The following DNMT3A variants were observed in gnomAD, a reference collection of about 807,000 sequenced individuals.
The protein encoded by DNMT3A is DNA methyltransferase 3 alpha.
In DNMT3A, 267 loss-of-function variants were observed where a neutral mutation model predicts 117.6. The observed-to-expected ratio is 2.27, with a 90% CI of 2.05 to 2.51. The LOEUF is 2.51. Among genes scored for constraint, DNMT3A ranks in the 30% most tolerant of loss-of-function variants. The pLI is 0.00. For synonymous variants in DNMT3A, 432 were observed against 474.8 expected, an observed-to-expected ratio of 0.91 and a Z score of 1.17; for missense variants, 1,029 against 1,260.2, an observed-to-expected ratio of 0.82 and a Z score of 2.78.
chr2:25,306,960 C>T lies in DNMT3A; in HGVS notation c.73-6717G>A, dbSNP rs115570989. Among the ~76,000 whole-genome samples the T allele has an allele frequency of 8.3e-3, 1,270 of 152,276 alleles. 14 individuals carry two copies. Among genetic ancestry groups the T allele is most frequent in the African/African-American group, 0.027 (1,137 of 41,546 alleles). ...CCTTCAGTAGCACACCCAGCTCTGC[C>T]AGCCCTTGCTTAATAGAGGGGAAGA... On this transcript the variant is annotated intron_variant, in intron 2 of 22. Coordinates refer to ENST00000321117, the MANE Select transcript of DNMT3A (RefSeq NM_022552.5). The surrounding 1 kb of genome is among the most constrained non-coding windows in gnomAD (Gnocchi z 4.1).
rs781221432 is a variant in DNMT3A, at chr2:25,252,176, C to A, written c.640-3924G>T. 1 of 1,563,064 alleles carries A rather than the reference C, an allele frequency of 6.4e-7. No individual in the cohort carries two copies. The highest frequency in any genetic ancestry group is 1.2e-5 in the South Asian group (1 of 84,474). On this transcript the variant is annotated intron_variant, in intron 6 of 22. Coordinates refer to ENST00000321117, the MANE Select transcript of DNMT3A (RefSeq NM_022552.5). This position sits in a 1 kb window ranked among gnomAD's most constrained non-coding sequence, Gnocchi z 5.5. ...CTCCCCGCCCCCGGTCTCCCCGGGGCTCCGTCCAGGAACCTACCCATAAGG... is the reference window on the plus strand; with the variant it reads ...CTCCCCGCCCCCGGTCTCCCCGGGGATCCGTCCAGGAACCTACCCATAAGG...
chr2:25,241,625 GC>G lies in DNMT3A; in HGVS notation c.2018del (p.Gly673AlafsTer32). On this transcript the variant is annotated frameshift_variant, in exon 17 of 23. Transcript: ENST00000321117. LOFTEE classifies it high-confidence loss of function. ...TGATCTTCCCCTGGTGCCGCACCAT[GC>G]CCACCGTGATGGAGTCCTCACACAC... ...SEVCEDSITV[G>X]MVRHQGKIMY... 1 of 1,613,902 alleles carries G rather than the reference GC, an allele frequency of 6.2e-7. No individual in the cohort carries two copies. Among genetic ancestry groups the G allele is most frequent in the Non-Finnish European group, 8.5e-7 (1 of 1,179,954 alleles).
intron 6 of DNMT3A, among the ~76,000 whole-genome samples, chr2:25,272,839 T>G (rs2031044494): frequency 7.0e-6 from 1 of 142,222 alleles, no homozygotes; most frequent in Admixed American, 7.0e-5. Context: ...TTTTGCTCTG[T>G]TGCCCAGGCT....
chr2:25,324,029 T>C (rs565963843), intron 1 of DNMT3A, among the ~76,000 whole-genome samples: 1 of 152,306 alleles, frequency 6.6e-6, no homozygotes, highest in South Asian at 2.1e-4. Context: ...CAGATCTATA[T>C]TAACTTTGGG....
At chr2:25,329,683 A>C (rs1285051960) in intron 1 of DNMT3A, among the ~76,000 whole-genome samples, 58 of 148,140 alleles carry the variant, frequency 3.9e-4, no homozygotes, top group African/African-American at 1.4e-3. Flanking sequence ...CCACACACAC[A>C]CACACACACA....
intron 6 of DNMT3A, among the ~76,000 whole-genome samples, chr2:25,268,992 C>T (rs965068807): frequency 6.6e-6 from 1 of 152,198 alleles, no homozygotes; most frequent in African/African-American, 2.4e-5. Flanking sequence ...GTGAAAAATA[C>T]CCTGATGAAA....
At chr2:25,238,336 C>G (rs1191046903) in intron 20 of DNMT3A, among the ~76,000 whole-genome samples, 2 of 152,118 alleles carry the variant, frequency 1.3e-5, no homozygotes, top group Non-Finnish European at 2.9e-5. Context: ...ATGGGAATAG[C>G]AAGGAGGGAG....
At chr2:25,321,793 G>A (rs2034607673) in intron 1 of DNMT3A, among the ~76,000 whole-genome samples, 1 of 152,214 alleles carries the variant, frequency 6.6e-6, no homozygotes, top group African/African-American at 2.4e-5. Flanking sequence ...GGCTGATGTG[G>A]GAGGATCGCT....
At chr2:25,262,086 A>G (rs1676666320) in intron 6 of DNMT3A, among the ~76,000 whole-genome samples, 1 of 149,628 alleles carries the variant, frequency 6.7e-6, no homozygotes, top group Admixed American at 6.8e-5. Flanking sequence ...CCTACTCGGG[A>G]GGCTGAGGCA....
At chr2:25,326,647 A>T (rs2034799260) in intron 1 of DNMT3A, among the ~76,000 whole-genome samples, 1 of 152,168 alleles carries the variant, frequency 6.6e-6, no homozygotes, top group Non-Finnish European at 1.5e-5. Context: ...TGCATTGTAT[A>T]CAACTTCTCT....
chr2:25,258,909 C>T (rs957820319), intron 6 of DNMT3A, among the ~76,000 whole-genome samples: 1 of 152,160 alleles, frequency 6.6e-6, no homozygotes. Context: ...TGCACTGACA[C>T]TCTAGATGAA....
At chr2:25,307,709 A>G (rs34729500) in intron 2 of DNMT3A, among the ~76,000 whole-genome samples, 6,247 of 152,188 alleles carry the variant, frequency 0.041, 150 homozygotes, top group South Asian at 0.082. Flanking sequence ...CAAGTGATCC[A>G]TCTGCCTTGG....
In DNMT3A at chr2:25,239,054, A is replaced by G. The variant is rs1461728240; in HGVS notation, c.2408+76T>C. On this transcript the variant is annotated intron_variant, in intron 20 of 22. Coordinates refer to ENST00000321117, the MANE Select transcript of DNMT3A (RefSeq NM_022552.5). ...AGGCCGGCCAGAGAGGGCCCGGCTC[A>G]GGGGCTTCCCCACTATGGGTCATCC... is the stretch of plus-strand genomic sequence containing the variant. 9 of 1,353,360 alleles carry G rather than the reference A, an allele frequency of 6.7e-6. No homozygotes were observed. In the Admixed American group the frequency reaches 1.6e-4, roughly 24 times the overall value. 83.8% of individuals were successfully genotyped at this position (1,353,360 alleles called of 1,614,324 possible).
rs1448317549 is a variant in DNMT3A, at chr2:25,281,567, T to C, written c.448+874A>G. On this transcript the variant is annotated intron_variant, in intron 4 of 22. Transcript: ENST00000321117. This position sits in a 1 kb window ranked among gnomAD's most constrained non-coding sequence, Gnocchi z 4.8. ...ATTTACTCATTTCATCATACACGCT[T>C]GGAAGGAAGACTTTTTGAAATTAAA... 2 of 1,062,950 alleles carry C rather than the reference T, an allele frequency of 1.9e-6. No homozygotes were observed. The highest frequency in any genetic ancestry group is 2.3e-6 in the Non-Finnish European group (2 of 877,866). 65.8% of individuals were successfully genotyped at this position (1,062,950 alleles called of 1,614,324 possible).
rs979340399 is a variant in DNMT3A, at chr2:25,293,331, G to A, written c.177+6808C>T. On this transcript the variant is annotated intron_variant, in intron 3 of 22. Coordinates refer to ENST00000321117, the MANE Select transcript of DNMT3A (RefSeq NM_022552.5). The surrounding 1 kb of genome is among the most constrained non-coding windows in gnomAD (Gnocchi z 4.7). ...CATGTGCTCATGCTCAGGGATGAAC[G>A]CCATGCTCATGGGTGCCAGAGCCAA... 2.0e-5 allele frequency among the ~76,000 whole-genome samples: 3 copies of A among 152,068 alleles called. No individual in the cohort carries two copies. Among genetic ancestry groups the A allele is most frequent in the Admixed American group, 6.5e-5 (1 of 15,272 alleles).
intron 1 of DNMT3A, among the ~76,000 whole-genome samples, chr2:25,338,357 T>C (rs535023818): frequency 1.3e-5 from 2 of 152,310 alleles, no homozygotes; most frequent in African/African-American, 4.8e-5. Flanking sequence ...GGTGGTCTGT[T>C]TTAACTCACC....
chr2:25,237,141 A>G lies in DNMT3A; in HGVS notation c.2409-136T>C. The G allele has an allele frequency of 1.3e-6, 1 of 751,780 alleles. No homozygotes were observed. The highest frequency in any genetic ancestry group is 1.7e-5 in the African/African-American group (1 of 57,270). The allele number at this position is 751,780 out of a possible 1,614,324, so 46.6% of individuals were successfully genotyped here. A position where few individuals can be genotyped will look rare whatever the true frequency, so the allele number is the denominator to read the frequency against. On this transcript the variant is annotated intron_variant, in intron 20 of 22. Coordinates refer to ENST00000321117, the MANE Select transcript of DNMT3A (RefSeq NM_022552.5). The surrounding 1 kb of genome is among the most constrained non-coding windows in gnomAD (Gnocchi z 5.4). ...AGCCCCTTCCCCAAATCACGCACAC[A>G]CGTCATAACTCTCTTCAAACTCCCC...
Position 25,298,192 on chromosome 2 carries a change from A to G in DNMT3A, c.177+1947T>C, listed in dbSNP as rs2033209123. On this transcript the variant is annotated intron_variant, in intron 3 of 22. Transcript: ENST00000321117. This position sits in a 1 kb window ranked among gnomAD's most constrained non-coding sequence, Gnocchi z 4.3. ...ACAGGTGGTCAGTGGTGGAGCCAGAATTTGAACTCAGGTCTCTTGGACCCC... is the reference window on the plus strand; with the variant it reads ...ACAGGTGGTCAGTGGTGGAGCCAGAGTTTGAACTCAGGTCTCTTGGACCCC... 6.6e-6 allele frequency among the ~76,000 whole-genome samples: 1 copy of G among 152,190 alleles called. No homozygotes were observed. Among genetic ancestry groups the G allele is most frequent in the Non-Finnish European group, 1.5e-5 (1 of 68,022 alleles).
At position 25,251,779 on chromosome 2, in the gene DNMT3A, AGGACC is replaced by A. The variant is rs369078710; in HGVS notation, c.640-3532_640-3528del. On this transcript the variant is annotated intron_variant, in intron 6 of 22. Coordinates refer to ENST00000321117, the MANE Select transcript of DNMT3A (RefSeq NM_022552.5). ...GAGGCCGCAAGCTGGCAGGGCCCTG[AGGACC>A]GCGTGGTCCCCCAGCCAGAAACGCA... The A allele has an allele frequency of 2.3e-5, 6 of 260,868 alleles. No homozygotes were observed. In the East Asian group the frequency reaches 3.7e-4, roughly 16 times the overall value. The allele number at this position is 260,868 out of a possible 1,614,324, so 16.2% of individuals were successfully genotyped here.
Sources: allele counts gnomAD v4.1 joint callset (sites outside exome capture counted in the v4.1 genomes callset), GRCh38; gene constraint gnomAD v4.1.1; non-coding constraint Gnocchi (gnomAD v3.1); transcripts MANE v1.5; gene names NCBI Gene and HGNC (gene_info 2026-07-23, HGNC 2026-07-21).